ERCC8: variants seen among roughly 807,000 people sequenced by gnomAD.
The protein encoded by ERCC8 is DNA excision repair protein ERCC-8.
ERCC8 carries 52 observed loss-of-function variants against 54.9 expected under a neutral mutation model. That is an observed-to-expected ratio of 0.95 (90% CI 0.76 to 1.19). ERCC8 has a LOEUF of 1.19. Ranked by LOEUF, ERCC8 falls within the 50% of genes most tolerant of loss-of-function variation. ERCC8 has a pLI of 0.00. For missense variants in ERCC8, 514 were observed against 466.1 expected (o/e 1.10, Z -0.95); for synonymous variants, 146 against 157.2 (o/e 0.93, Z 0.53).
intron 9 of ERCC8, chr5:60,893,737 G>T: frequency 2.5e-6 from 1 of 405,556 alleles, no homozygotes; most frequent in Non-Finnish European, 4.4e-6. Flanking sequence ...TCCGCCCACT[G>T]GGCAGTCTCC....
At position 60,918,403 on chromosome 5, in the gene ERCC8, T is replaced by C; in HGVS notation, c.276-15A>G. 1 of 1,606,874 alleles carries C rather than the reference T, an allele frequency of 6.2e-7. No individual in the cohort carries two copies. Among genetic ancestry groups the C allele is most frequent in the Non-Finnish European group, 8.5e-7 (1 of 1,176,080 alleles). ...CAGGATGATCTCTACAAAACAGCAATCAAAATTTACATTAACTGACTTATG... is the reference window on the plus strand; with the variant it reads ...CAGGATGATCTCTACAAAACAGCAACCAAAATTTACATTAACTGACTTATG... On this transcript the variant is annotated splice_polypyrimidine_tract_variant and intron_variant, in intron 3 of 11. Coordinates refer to ENST00000676185, the MANE Select transcript of ERCC8 (RefSeq NM_000082.4).
At chr5:60,905,167 G>A (rs1749034077) in intron 4 of ERCC8, among the ~76,000 whole-genome samples, 2 of 152,068 alleles carry the variant, frequency 1.3e-5, no homozygotes, top group African/African-American at 4.8e-5. Context: ...GGTGGGGAGG[G>A]GGCTCAGCAT....
At chr5:60,910,475 C>G (rs995375819) in intron 4 of ERCC8, among the ~76,000 whole-genome samples, 2 of 152,144 alleles carry the variant, frequency 1.3e-5, no homozygotes, top group African/African-American at 4.8e-5. Flanking sequence ...TTGGGTAGAA[C>G]TGATATTTTT....
chr5:60,868,664 TA>T lies in ERCC8; in HGVS notation c.*5950del, dbSNP rs1561489787. Among the ~76,000 whole-genome samples the T allele has an allele frequency of 6.6e-6, 1 of 152,220 alleles. No homozygotes were observed. Among genetic ancestry groups the T allele is most frequent in the Non-Finnish European group, 1.5e-5 (1 of 68,024 alleles). ...TAGCAAGATAGAAAAATTTGTATTA[TA>T]ATAAATGATTTGTAATAATTCTAAG... On this transcript the variant is annotated 3_prime_UTR_variant, in exon 12 of 12. Coordinates refer to ENST00000676185, the MANE Select transcript of ERCC8 (RefSeq NM_000082.4).
intron 2 of ERCC8, 138 bp downstream of exon 2, chr5:60,928,726 T>A: frequency 1.7e-6 from 1 of 580,786 alleles, no homozygotes; most frequent in Non-Finnish European, 3.1e-6. Flanking sequence ...TTGAAATTAA[T>A]AATGCCAGAT....
At position 60,869,249 on chromosome 5, in the gene ERCC8, G is replaced by A. The variant is rs1747814716; in HGVS notation, c.*5366C>T. ...AATGAAATATTTCTGAATGAAAACT[G>A]TGTAGCCCTTATTTAAGTACCTAAT... On this transcript the variant is annotated 3_prime_UTR_variant, in exon 12 of 12. Coordinates refer to ENST00000676185, the MANE Select transcript of ERCC8 (RefSeq NM_000082.4). Among the ~76,000 whole-genome samples the A allele has an allele frequency of 6.6e-6, 1 of 152,154 alleles. No individual in the cohort carries two copies. Among genetic ancestry groups the A allele is most frequent in the Non-Finnish European group, 1.5e-5 (1 of 68,012 alleles).
At chr5:60,890,066 T>C (rs147573573) in intron 10 of ERCC8, among the ~76,000 whole-genome samples, 314 of 152,250 alleles carry the variant, frequency 2.1e-3, no homozygotes, top group African/African-American at 7.2e-3. Flanking sequence ...TATTTATATA[T>C]TTTAATAATG....
rs201681903 is a variant in ERCC8, at chr5:60,904,632, G to A, written c.481+160C>T. On this transcript the variant is annotated intron_variant, in intron 5 of 11. Coordinates refer to ENST00000676185, the MANE Select transcript of ERCC8 (RefSeq NM_000082.4). Reference sequence around the variant, plus strand: ...TGTTGAATATATATAGTGTGTGTGTGTGTATATATATATATATATATATAT... The same window carrying A: ...TGTTGAATATATATAGTGTGTGTGTATGTATATATATATATATATATATAT... Among the ~76,000 whole-genome samples the A allele has an allele frequency of 0.088, 2,974 of 33,742 alleles. 88 individuals carry two copies. The highest frequency in any genetic ancestry group is 0.16 in the East Asian group (57 of 354). The allele number at this position is 33,742 out of a possible 152,430, so 22.1% of individuals were successfully genotyped here.
chr5:60,913,003 A>C (rs1266086699), intron 4 of ERCC8, among the ~76,000 whole-genome samples: 4 of 152,066 alleles, frequency 2.6e-5, no homozygotes, highest in African/African-American at 4.8e-5. Context: ...CCAGTATTTT[A>C]TTGAGGATTT....
chr5:60,920,050 C>G (rs1749558236), intron 3 of ERCC8, among the ~76,000 whole-genome samples: 1 of 151,914 alleles, frequency 6.6e-6, no homozygotes. Context: ...TCTAGACATT[C>G]TCTTTTCCTA....
rs971228066 is a variant in ERCC8, at chr5:60,887,337, C to A, written c.1122+103G>T. Reference sequence around the variant, plus strand: ...AGGTACCTGGGACTATAGGTGCATGCCACTGGCAAGAAATGCTTTAAAAGT... The same window carrying A: ...AGGTACCTGGGACTATAGGTGCATGACACTGGCAAGAAATGCTTTAAAAGT... On this transcript the variant is annotated intron_variant, in intron 11 of 11. Coordinates refer to ENST00000676185, the MANE Select transcript of ERCC8 (RefSeq NM_000082.4). 2.5e-5 allele frequency: 24 copies of A among 970,266 alleles called. No homozygotes were observed. In the African/African-American group the frequency reaches 3.7e-4, roughly 15 times the overall value. The allele number at this position is 970,266 out of a possible 1,614,324, so 60.1% of individuals were successfully genotyped here.
chr5:60,878,389 A>AT (rs943246420), intron 11 of ERCC8, among the ~76,000 whole-genome samples: 53 of 152,288 alleles, frequency 3.5e-4, no homozygotes, highest in African/African-American at 1.3e-3. Context: ...ACCTCATCAA[A>AT]TGAGTTAGGG....
chr5:60,910,882 A>G (rs1023890945), intron 4 of ERCC8, among the ~76,000 whole-genome samples: 1 of 152,114 alleles, frequency 6.6e-6, no homozygotes, highest in East Asian at 1.9e-4. Flanking sequence ...TGCACTGACT[A>G]GGACATTCAG....
At position 60,898,794 on chromosome 5, in the gene ERCC8, T is replaced by TA. The variant is rs1554073132; in HGVS notation, c.719-395_719-394insT. On this transcript the variant is annotated intron_variant, in intron 8 of 11. Transcript: ENST00000676185. ...AATCAATAATTCTAGTGTTTTCCAT[T>TA]GAAAAAAAAAACAGGGAAAGGATGA... Among the ~76,000 whole-genome samples the TA allele has an allele frequency of 8.8e-3, 369 of 42,076 alleles. 1 individual carries two copies. The highest frequency in any genetic ancestry group is 0.07 in the African/African-American group (341 of 4,900). The allele number at this position is 42,076 out of a possible 152,430, so 27.6% of individuals were successfully genotyped here.
chr5:60,906,012 G>A (rs1749059699), intron 4 of ERCC8, among the ~76,000 whole-genome samples: 1 of 152,138 alleles, frequency 6.6e-6, no homozygotes, highest in Non-Finnish European at 1.5e-5. Context: ...TCCAGGTGGA[G>A]CCCCTGGTGT....
At chr5:60,898,522 T>A in intron 8 of ERCC8, 122 bp from the exon 9 acceptor site, 10 of 1,059,040 alleles carry the variant, frequency 9.4e-6, no homozygotes, top group Non-Finnish European at 1.3e-5. Context: ...TGTAAGTAGA[T>A]TATACTTAAC....
rs1262720315 is a variant in ERCC8 at position 60,904,628 on chromosome 5, GTGTGTGTATATATATATATATATA to G, written c.481+140_481+163del. Among the ~76,000 whole-genome samples, 3,895 of 67,790 alleles carry G rather than the reference GTGTGTGTATATATATATATATATA, an allele frequency of 0.057. 367 individuals are homozygous for G. The highest frequency in any genetic ancestry group is 0.17 in the African/African-American group (3,551 of 21,342). 44.5% of individuals were successfully genotyped at this position (67,790 alleles called of 152,430 possible). On this transcript the variant is annotated intron_variant, in intron 5 of 11. Transcript: ENST00000676185. Reference sequence around the variant, plus strand: ...TATCTGTTGAATATATATAGTGTGTGTGTGTGTATATATATATATATATATATATATATATATATATATATATAT... The same window carrying G: ...TATCTGTTGAATATATATAGTGTGTGTATATATATATATATATATATATAT...
chr5:60,882,120 C>T (rs538654386), intron 11 of ERCC8, among the ~76,000 whole-genome samples: 4 of 152,202 alleles, frequency 2.6e-5, no homozygotes, highest in Non-Finnish European at 5.9e-5. Context: ...GGATTACAGG[C>T]GTGAGCCACT....
At chr5:60,938,499 G>A (rs773493249) in intron 1 of ERCC8, among the ~76,000 whole-genome samples, 95 of 151,772 alleles carry the variant, frequency 6.3e-4, no homozygotes, top group Non-Finnish European at 5.4e-4. Flanking sequence ...GATTACAGGC[G>A]TGTGCCACCA....
Sources: gnomAD v4.1 joint callset for allele counts (sites outside exome capture counted in the v4.1 genomes callset) on GRCh38, gnomAD v4.1.1 for gene constraint, MANE v1.5 for transcripts, NCBI Gene and HGNC (gene_info 2026-07-23, HGNC 2026-07-21) for gene names.